The following ZSCAN25 variants were observed in gnomAD, a reference collection of about 807,000 sequenced individuals.
ZSCAN25 encodes zinc finger and SCAN domain containing 25, also known as zinc finger and SCAN domain-containing protein 25.
ZSCAN25 carries 27 observed loss-of-function variants against 38.7 expected under a neutral mutation model. The observed-to-expected ratio is 0.70, with a 90% CI of 0.51 to 0.96. The LOEUF is 0.96. Among genes scored for constraint, ZSCAN25 ranks in the 40% least tolerant of loss-of-function variants. ZSCAN25 has a pLI of 0.00. For missense variants in ZSCAN25, 637 were observed against 705.9 expected (o/e 0.90, Z 1.11); for synonymous variants, 273 against 277.7 (o/e 0.98, Z 0.17).
chr7:99,672,603 A>G, the ZSCAN25 span: 1 of 1,613,924 alleles, frequency 6.2e-7, no homozygotes, highest in South Asian at 1.1e-5. Context: ...AAGACAGAAT[A>G]ACATTCTTTC....
chr7:99,679,578 C>T, the ZSCAN25 span, among the ~76,000 whole-genome samples: 2,936 of 152,208 alleles, frequency 0.019, 110 homozygotes, highest in African/African-American at 0.067. Flanking sequence ...CAAATCATTC[C>T]CACTACCAAA....
the ZSCAN25 span, among the ~76,000 whole-genome samples, chr7:99,707,153 T>C: frequency 1.3e-5 from 2 of 152,108 alleles, no homozygotes; most frequent in Non-Finnish European, 1.5e-5. Flanking sequence ...AGAGTTATAA[T>C]TGAGTTGAAA....
At chr7:99,676,868 G>C in the ZSCAN25 span, among the ~76,000 whole-genome samples, 1 of 152,074 alleles carries the variant, frequency 6.6e-6, no homozygotes, top group Non-Finnish European at 1.5e-5. Context: ...AATGTGGGCA[G>C]CTTTCAGGTA....
At chr7:99,715,509 A>G in the ZSCAN25 span, 2 of 535,974 alleles carry the variant, frequency 3.7e-6, no homozygotes, top group Non-Finnish European at 6.5e-6. Flanking sequence ...TAGATGCAGA[A>G]AGTTGACTAG....
At chr7:99,674,690 A>C in the ZSCAN25 span, 1 of 825,528 alleles carries the variant, frequency 1.2e-6, no homozygotes, top group Non-Finnish European at 1.9e-6. Flanking sequence ...CAGGCCTGCT[A>C]TCTTTCACTG....
intron 5 of ZSCAN25, 136 bp from the exon 6 acceptor site, chr7:99,622,413 G>T (rs1807058839): frequency 2.4e-6 from 2 of 821,606 alleles, no homozygotes; most frequent in South Asian, 2.7e-5. Context: ...TGTGGTACCA[G>T]AGTGAAAAGG....
the ZSCAN25 span, among the ~76,000 whole-genome samples, chr7:99,718,179 G>T: frequency 6.6e-6 from 1 of 152,054 alleles, no homozygotes; most frequent in Non-Finnish European, 1.5e-5. Context: ...GTTAAATGAT[G>T]AGTTAATGAG....
At chr7:99,709,158 C>T in the ZSCAN25 span, 3 of 1,613,846 alleles carry the variant, frequency 1.9e-6, no homozygotes, top group Non-Finnish European at 2.5e-6. Flanking sequence ...ATCTTTTTTG[C>T]AGACCCTCTC....
At chr7:99,700,100 G>A in the ZSCAN25 span, 2 of 1,168,238 alleles carry the variant, frequency 1.7e-6, no homozygotes, top group Admixed American at 1.7e-5. Flanking sequence ...TTGTTTGCTG[G>A]GCTGTCTGCC....
the ZSCAN25 span, among the ~76,000 whole-genome samples, chr7:99,643,761 C>T: frequency 6.6e-6 from 1 of 151,368 alleles, no homozygotes; most frequent in South Asian, 2.1e-4. Context: ...ATCGTGTAGG[C>T]TTGCATTGCT....
At chr7:99,701,572 A>G in the ZSCAN25 span, among the ~76,000 whole-genome samples, 1 of 152,226 alleles carries the variant, frequency 6.6e-6, no homozygotes, top group Non-Finnish European at 1.5e-5. Flanking sequence ...CCAACAGTGT[A>G]CGAGAATTCC....
chr7:99,638,502 T>C, the ZSCAN25 span: 1 of 1,501,050 alleles, frequency 6.7e-7, no homozygotes, highest in Non-Finnish European at 9.3e-7. Context: ...GTCGGCACAG[T>C]CCACTACGAA....
the ZSCAN25 span, chr7:99,652,159 A>G: frequency 6.7e-6 from 1 of 148,912 alleles, no homozygotes; most frequent in Admixed American, 6.7e-5. Flanking sequence ...CATATGCAAT[A>G]TATACATATA....
the ZSCAN25 span, chr7:99,685,086 G>C: frequency 7.8e-7 from 1 of 1,278,558 alleles, no homozygotes; most frequent in Non-Finnish European, 1.1e-6. Context: ...TGAGGTCTCT[G>C]GTGTTCTAGG....
At chr7:99,637,088 G>C (rs1808312049), downstream of ZSCAN25, among the ~76,000 whole-genome samples, 1 of 152,110 alleles carries the variant, frequency 6.6e-6, no homozygotes, top group South Asian at 2.1e-4. Flanking sequence ...AATTGATGGA[G>C]GTGTGGATCA....
At chr7:99,731,376 T>C in the ZSCAN25 span, among the ~76,000 whole-genome samples, 1 of 152,236 alleles carries the variant, frequency 6.6e-6, no homozygotes, top group African/African-American at 2.4e-5. Flanking sequence ...TAAAAGCAGC[T>C]GAAGTCTTCA....
the ZSCAN25 span, among the ~76,000 whole-genome samples, chr7:99,700,688 A>G: frequency 6.6e-6 from 1 of 152,092 alleles, no homozygotes; most frequent in African/African-American, 2.4e-5. Context: ...TGAGTTCCTC[A>G]AGGGCACAGT....
chr7:99,709,542 A>G, the ZSCAN25 span, among the ~76,000 whole-genome samples: 2 of 152,280 alleles, frequency 1.3e-5, no homozygotes, highest in Middle Eastern at 3.4e-3. Flanking sequence ...TTTCTTTCTC[A>G]TGGAAGCAAA....
chr7:99,714,007 A>C, the ZSCAN25 span, among the ~76,000 whole-genome samples: 1 of 152,140 alleles, frequency 6.6e-6, no homozygotes, highest in East Asian at 1.9e-4. Context: ...TCCAGGGCTC[A>C]TGAAGGCAAA....
Sources: allele counts gnomAD v4.1 joint callset (sites outside exome capture counted in the v4.1 genomes callset), GRCh38; gene constraint gnomAD v4.1.1; transcripts MANE v1.5; gene names NCBI Gene and HGNC (gene_info 2026-07-23, HGNC 2026-07-21).